Variants in CACNA1A observed in about 807,000 individuals in gnomAD.
The protein encoded by CACNA1A is voltage-dependent P/Q-type calcium channel subunit alpha-1A.
In CACNA1A, 57 loss-of-function variants were observed where a neutral mutation model predicts 262.4. The observed-to-expected ratio is 0.22, with a 90% confidence interval of 0.18 to 0.27. The LOEUF (loss-of-function observed/expected upper bound fraction) is 0.27, where lower values mean the gene tolerates loss of function less well. Among genes scored for constraint, CACNA1A ranks in the 10% least tolerant of loss-of-function variants. The probability of loss-of-function intolerance (pLI) is 1.00; values close to 1 mark genes in which losing one functional copy is unlikely to be tolerated. For missense variants in CACNA1A, 2,526 were observed against 3,562.8 expected (o/e 0.71, Z 7.41); for synonymous variants, 1,431 against 1,419.3 (o/e 1.01, Z -0.18).
chr19:13,363,807 C>T (rs762697285), intron 5 of CACNA1A: 8 of 152,220 alleles, frequency 5.3e-5, no homozygotes, highest in Non-Finnish European at 1.2e-4. Flanking sequence ...TCCCTTGACC[C>T]AAATCATCAG....
chr19:13,253,365 G>A (rs893933478), intron 29 of CACNA1A, among the ~76,000 whole-genome samples: 10 of 150,548 alleles, frequency 6.6e-5, no homozygotes, highest in African/African-American at 2.2e-4. Context: ...TGCCCAGGCT[G>A]GGCTTGAACT....
intron 6 of CACNA1A, among the ~76,000 whole-genome samples, chr19:13,343,686 A>C (rs1050472952): frequency 6.6e-6 from 1 of 152,194 alleles, no homozygotes; most frequent in Admixed American, 6.5e-5. Context: ...AATTTCAGAA[A>C]TGATGCAAAT....
At chr19:13,211,789 A>C in intron 43 of CACNA1A, 1 of 345,306 alleles carries the variant, frequency 2.9e-6, no homozygotes, top group Non-Finnish European at 5.5e-6. Flanking sequence ...TGCTGCACCC[A>C]CAAATCTTCC....
At chr19:13,348,614 A>G (rs932851072) in intron 6 of CACNA1A, among the ~76,000 whole-genome samples, 5 of 152,272 alleles carry the variant, frequency 3.3e-5, no homozygotes, top group Non-Finnish European at 7.4e-5. Context: ...AAGGCGGGCG[A>G]ATCATGAGCT....
chr19:13,309,950 C>T (rs2057985511), intron 12 of CACNA1A, among the ~76,000 whole-genome samples: 1 of 152,146 alleles, frequency 6.6e-6, no homozygotes, highest in Non-Finnish European at 1.5e-5. Context: ...CCAAAGGAGG[C>T]CCTGTCCCCA....
At chr19:13,303,718 T>A (rs1208409529) in intron 16 of CACNA1A, 49 bp downstream of exon 16, 2 of 1,555,114 alleles carry the variant, frequency 1.3e-6, no homozygotes, top group Admixed American at 3.3e-5. Flanking sequence ...CAACCTCTCC[T>A]CTGCCAGAGG....
chr19:13,271,262 C>G (rs2057013758), intron 24 of CACNA1A: 1 of 135,990 alleles, frequency 7.4e-6, no homozygotes, highest in Non-Finnish European at 1.5e-5. Flanking sequence ...GCTCCGTCAC[C>G]CAGGCTGGAG....
intron 28 of CACNA1A, among the ~76,000 whole-genome samples, chr19:13,255,737 T>TCCTTCTCTCCCTCCCTCCG (rs2056540196): frequency 2.8e-5 from 1 of 36,054 alleles, no homozygotes. Flanking sequence ...CCCTCCCTCC[T>TCCTTCTCTCCCTCCCTCCG]TCCCTCCCTC....
chr19:13,313,530 T>C (rs1018754069), intron 11 of CACNA1A, among the ~76,000 whole-genome samples: 7 of 136,942 alleles, frequency 5.1e-5, no homozygotes, highest in Non-Finnish European at 1.1e-4. Context: ...AAGCAACAAT[T>C]ATGCCCTACC....
chr19:13,235,330 C>T (rs1386123609), intron 32 of CACNA1A, 56 bp from the exon 33 acceptor site: 9 of 1,474,636 alleles, frequency 6.1e-6, no homozygotes, highest in Non-Finnish European at 7.4e-6. Flanking sequence ...GCCGCACTGT[C>T]TTCCTCCCTT....
At chr19:13,340,667 T>A (rs942923805) in intron 6 of CACNA1A, among the ~76,000 whole-genome samples, 17 of 152,100 alleles carry the variant, frequency 1.1e-4, no homozygotes, top group Non-Finnish European at 2.1e-4. Flanking sequence ...CCTCAGGCGA[T>A]CCACTCACCT....
At chr19:13,417,442 T>C (rs1465788140) in intron 3 of CACNA1A, among the ~76,000 whole-genome samples, 1 of 152,042 alleles carries the variant, frequency 6.6e-6, no homozygotes, top group African/African-American at 2.4e-5. Context: ...GATAGAACAA[T>C]CCACCCAGAG....
intron 15 of CACNA1A, among the ~76,000 whole-genome samples, chr19:13,304,971 G>A (rs1396167934): frequency 2.6e-5 from 4 of 152,158 alleles, no homozygotes. Context: ...AAGCTACTAC[G>A]TGGATAGCAC....
intron 10 of CACNA1A, among the ~76,000 whole-genome samples, chr19:13,317,533 A>G (rs2058152007): frequency 6.6e-6 from 1 of 152,180 alleles, no homozygotes; most frequent in East Asian, 1.9e-4. Flanking sequence ...CAGAATTAGA[A>G]GTAACCAATT....
chr19:13,476,335 C>T (rs1978535547), intron 1 of CACNA1A, among the ~76,000 whole-genome samples: 1 of 152,212 alleles, frequency 6.6e-6, no homozygotes, highest in Non-Finnish European at 1.5e-5. Flanking sequence ...GAATTCTACA[C>T]AGCCAGGTAG....
chr19:13,412,405 C>T (rs1197233002), intron 3 of CACNA1A, among the ~76,000 whole-genome samples: 3 of 151,712 alleles, frequency 2.0e-5, no homozygotes, highest in Admixed American at 2.0e-4. Context: ...ATATAAGATA[C>T]AAACAACAGG....
chr19:13,289,263 T>C (rs1183767275), intron 19 of CACNA1A, among the ~76,000 whole-genome samples: 3 of 151,000 alleles, frequency 2.0e-5, no homozygotes, highest in Non-Finnish European at 1.5e-5. Context: ...CACCTCAGCC[T>C]TCCCAGTAGC....
At chr19:13,244,271 T>C (rs1052149735) in intron 31 of CACNA1A, 3 of 152,290 alleles carry the variant, frequency 2.0e-5, no homozygotes, top group Non-Finnish European at 2.9e-5. Context: ...TTTGGGTGCC[T>C]TCAGTTGAAC....
At chr19:13,248,913 G>A (rs1053162901) in intron 30 of CACNA1A, among the ~76,000 whole-genome samples, 2 of 151,898 alleles carry the variant, frequency 1.3e-5, no homozygotes, top group African/African-American at 4.8e-5. Context: ...AAATGAATCA[G>A]AACATCTAGG....
Sources: gnomAD v4.1 joint callset for allele counts (sites outside exome capture counted in the v4.1 genomes callset) on GRCh38, gnomAD v4.1.1 for gene constraint, MANE v1.5 for transcripts, NCBI Gene and HGNC (gene_info 2026-07-23, HGNC 2026-07-21) for gene names.